The following RGPD3 variants were observed in gnomAD, a reference collection of about 807,000 sequenced individuals.
The protein encoded by RGPD3 is RANBP2 like and GRIP domain containing 3, also known as ranBP2-like and GRIP domain-containing protein 3.
RGPD3 carries 62 observed loss-of-function variants against 154.5 expected under a neutral mutation model. The ratio of observed to expected loss-of-function variants is 0.40; its 90% CI spans 0.33 to 0.50. The LOEUF is 0.50. RGPD3 is among the 20% of genes least tolerant of loss of function. The probability of loss-of-function intolerance (pLI) is 0.59; values close to 1 mark genes in which losing one functional copy is unlikely to be tolerated. For missense variants in RGPD3, 919 were observed against 1,716.8 expected (o/e 0.54, Z 8.21); for synonymous variants, 308 against 607.0 (o/e 0.51, Z 7.24).
Position 106,456,995 on chromosome 2 carries a change from T to C in RGPD3, c.381A>G (p.Gly127=). Residue 127 remains glycine, a synonymous_variant, in exon 4 of 23, where the codon GGA becomes GGG. Transcript: ENST00000409886. ...CCTTTAGTTTATAAATTGCAGGACT[T>C]CCTGGGAAAAGTTTTGCTGCTCTTT... ...WVERAAKLFP[G]SPAIYKLKEQ... 1.2e-6 allele frequency: 2 copies of C among 1,611,308 alleles called. No individual in the cohort carries two copies. The highest frequency in any genetic ancestry group is 1.7e-5 in the Admixed American group (1 of 59,968).
chr2:106,417,251 C>T (rs1676849140), intron 20 of RGPD3, among the ~76,000 whole-genome samples: 1 of 80,612 alleles, frequency 1.2e-5, no homozygotes, highest in East Asian at 3.5e-4. Flanking sequence ...GCCTAGTGAT[C>T]GTGTAAGGTA....
In RGPD3 at chr2:106,437,703, A is replaced by C. The variant is rs527742737; in HGVS notation, c.1277-849T>G. 2.6e-4 allele frequency among the ~76,000 whole-genome samples: 39 copies of C among 152,176 alleles called. 1 individual carries two copies. The East Asian group carries it at 7.0e-3, about 27-fold the overall frequency. On this transcript the variant is annotated intron_variant, in intron 9 of 22. Coordinates refer to ENST00000409886, the MANE Select transcript of RGPD3 (RefSeq NM_001144013.2). ...CACTTTTTGTTGAAGTTTTTATCAGAGTATGATTATTAACAGTGGAAAAGT... is the reference window on the plus strand; with the variant it reads ...CACTTTTTGTTGAAGTTTTTATCAGCGTATGATTATTAACAGTGGAAAAGT...
chr2:106,448,020 T>C (rs1278243658), intron 6 of RGPD3, among the ~76,000 whole-genome samples: 4 of 151,336 alleles, frequency 2.6e-5, no homozygotes, highest in African/African-American at 9.7e-5. Flanking sequence ...ATTTCCAAAT[T>C]ATAAGTAAAT....
chr2:106,441,221 T>G (rs1314680500), intron 8 of RGPD3, 72 bp downstream of exon 8: 1 of 1,578,804 alleles, frequency 6.3e-7, no homozygotes, highest in Non-Finnish European at 8.6e-7. Flanking sequence ...AGACTGAGAT[T>G]TTATCATAAG....
chr2:106,455,020 G>A (rs1407905119), intron 4 of RGPD3, among the ~76,000 whole-genome samples: 8 of 151,806 alleles, frequency 5.3e-5, no homozygotes, highest in Admixed American at 3.9e-4. Context: ...AATGGTTAAG[G>A]CTGGGCACAG....
chr2:106,423,012 T>C (rs771108007), intron 20 of RGPD3, 31 bp downstream of exon 20: 5 of 744,298 alleles, frequency 6.7e-6, no homozygotes, highest in Admixed American at 6.7e-5. Flanking sequence ...GAAAGAAAAA[T>C]TGTGCTTAAC....
At chr2:106,449,627 CA>C (rs1678049077) in intron 6 of RGPD3, among the ~76,000 whole-genome samples, 2 of 151,972 alleles carry the variant, frequency 1.3e-5, no homozygotes, top group South Asian at 4.1e-4. Context: ...CCTGCAATCC[CA>C]GCACTTTGGA....
rs746768369 is a variant in RGPD3 at position 106,436,223 on chromosome 2, C to T, written c.1658G>A (p.Arg553Lys). 5.6e-6 allele frequency: 9 copies of T among 1,611,882 alleles called. No individual in the cohort carries two copies. The East Asian group carries it at 2.0e-4, about 36-fold the overall frequency. The change falls in exon 12 of 23, where the codon AGA becomes AAA. Residue 553 changes from arginine to lysine, a missense_variant. By Grantham distance (26) the Arg-to-Lys change is conservative (BLOSUM62 2). Transcript: ENST00000409886. ...KAVPGNSAKL[R>K]LLVQHEINTL... is the part of the protein sequence containing the mutation. ...GTTTATTTCATGCTGAACTAGAAGT[C>T]TCAATTTTGCTGAGTTTCCAGGTCT...
intron 1 of RGPD3, among the ~76,000 whole-genome samples, chr2:106,466,157 C>A (rs981328662): frequency 6.7e-6 from 1 of 148,892 alleles, no homozygotes; most frequent in Non-Finnish European, 1.5e-5. Context: ...CGAGCACCGT[C>A]GGGAACAAGC....
chr2:106,440,443 T>G (rs1234022373), intron 8 of RGPD3, among the ~76,000 whole-genome samples: 1 of 151,648 alleles, frequency 6.6e-6, no homozygotes, highest in Non-Finnish European at 1.5e-5. Flanking sequence ...GCAATTTTTA[T>G]CTAACTGTGA....
At chr2:106,445,105 G>A (rs374549444) in intron 7 of RGPD3, among the ~76,000 whole-genome samples, 24,113 of 112,176 alleles carry the variant, frequency 0.21, 4 homozygotes, top group Middle Eastern at 0.26. Context: ...TGGCTAACAC[G>A]GTGAAACCCC....
chr2:106,470,813 T>A (rs574998132), upstream of RGPD3: 17 of 1,604,056 alleles, frequency 1.1e-5, no homozygotes, highest in African/African-American at 2.1e-4. Context: ...CGTCCAATGA[T>A]CCAAGGAGTT....
In RGPD3 at chr2:106,424,254, G is replaced by A; in HGVS notation, c.3713C>T (p.Pro1238Leu). The change falls in exon 20 of 23, where the codon CCC (proline) becomes CTC (leucine). Residue 1238 changes from proline (P) to leucine (L), a missense_variant. Coordinates refer to ENST00000409886, the MANE Select transcript of RGPD3 (RefSeq NM_001144013.2). ...TGTGGGCCCAGTGTTTTCAGCATTG[G>A]GTTTTATTGTTGTGTCTGAGGCACC... The part of the protein sequence containing the change: ...AAGASDTTIK[P>L]NAENTGPTLE... The A allele has an allele frequency of 6.2e-7, 1 of 1,611,932 alleles. No individual in the cohort carries two copies. The highest frequency in any genetic ancestry group is 8.5e-7 in the Non-Finnish European group (1 of 1,179,854).
intron 7 of RGPD3, among the ~76,000 whole-genome samples, chr2:106,446,570 A>T: frequency 2.9e-5 from 1 of 34,268 alleles, no homozygotes; most frequent in African/African-American, 1.3e-4. Flanking sequence ...ACTCCATCTC[A>T]AAAAAAAAAA....
At chr2:106,423,017 C>T (rs1357647138) in intron 20 of RGPD3, 26 bp downstream of exon 20, 13 of 848,450 alleles carry the variant, frequency 1.5e-5, no homozygotes, top group Non-Finnish European at 2.5e-5. Context: ...AAAAATTGTG[C>T]TTAACTTTAA....
chr2:106,441,156 T>C, intron 8 of RGPD3, 137 bp downstream of exon 8: 3 of 1,037,398 alleles, frequency 2.9e-6, no homozygotes, highest in South Asian at 1.7e-5. Context: ...TCCATACCTA[T>C]TGCTCTTAAC....
At chr2:106,422,996 T>C (rs758834859) in intron 20 of RGPD3, 47 bp downstream of exon 20, 10 of 1,524,052 alleles carry the variant, frequency 6.6e-6, no homozygotes, top group African/African-American at 2.8e-5. Context: ...AAGCTAAACA[T>C]TAAAAGAAAG....
Position 106,424,728 on chromosome 2 carries a change from C to T in RGPD3, c.3239G>A (p.Arg1080Lys), listed in dbSNP as rs1366190872. 1.9e-6 allele frequency: 3 copies of T among 1,611,860 alleles called. No homozygotes were observed. Among genetic ancestry groups the T allele is most frequent in the Non-Finnish European group, 2.5e-6 (3 of 1,179,860 alleles). Residue 1080 changes from arginine (R) to lysine (K), a missense_variant, in exon 20 of 23, where the codon AGG (arginine) becomes AAG (lysine). Transcript: ENST00000409886. Reference sequence around the variant, plus strand: ...GAGAATTTTTAAGTTCCCCAAGCCCCTTTCTTTCCACTGACTTACCTCAGC... The same window carrying T: ...GAGAATTTTTAAGTTCCCCAAGCCCTTTTCTTTCCACTGACTTACCTCAGC... ...FDAEVSQWKE[R>K]GLGNLKILKN...
chr2:106,439,237 G>C, intron 8 of RGPD3, 60 bp from the exon 9 acceptor site: 1 of 119,588 alleles, frequency 8.4e-6, no homozygotes, highest in Non-Finnish European at 1.4e-5. Context: ...ATTTGCTCAC[G>C]TTGTCTCATT....
Sources: gnomAD v4.1 joint callset for allele counts (sites outside exome capture counted in the v4.1 genomes callset) on GRCh38, gnomAD v4.1.1 for gene constraint, MANE v1.5 for transcripts, NCBI Gene and HGNC (gene_info 2026-07-23, HGNC 2026-07-21) for gene names.